Variants in RUNDC3B observed in about 807,000 individuals in gnomAD.
RUNDC3B encodes RUN domain-containing protein 3B.
A neutral mutation model predicts 58.4 loss-of-function variants in RUNDC3B; 33 were observed. That is an observed-to-expected ratio of 0.56 (90% CI 0.43 to 0.75). The LOEUF (loss-of-function observed/expected upper bound fraction) is 0.75, where lower values mean the gene tolerates loss of function less well. Ranked by LOEUF, RUNDC3B falls within the 30% of genes least tolerant of loss-of-function variation. RUNDC3B has a pLI of 0.00. For synonymous variants in RUNDC3B, 193 were observed against 195.2 expected, an observed-to-expected ratio of 0.99 and a Z score of 0.10; for missense variants, 501 against 535.7, an observed-to-expected ratio of 0.94 and a Z score of 0.64.
intron 10 of RUNDC3B, among the ~76,000 whole-genome samples, chr7:87,820,168 A>C (rs958284068): frequency 1.3e-5 from 2 of 152,208 alleles, no homozygotes; most frequent in African/African-American, 4.8e-5. Flanking sequence ...AAAAGAGAGA[A>C]GAATCAAATA....
intron 1 of RUNDC3B, among the ~76,000 whole-genome samples, chr7:87,639,539 G>A (rs1200935694): frequency 6.6e-6 from 1 of 152,002 alleles, no homozygotes; most frequent in Non-Finnish European, 1.5e-5. Context: ...TTTTAGTTTT[G>A]TGATTTTTAC....
chr7:87,752,165 G>A (rs895985635), intron 6 of RUNDC3B, among the ~76,000 whole-genome samples: 36 of 152,264 alleles, frequency 2.4e-4, no homozygotes, highest in South Asian at 2.1e-4. Flanking sequence ...CTGTTTATAT[G>A]CTGGATTACA....
Position 87,703,755 on chromosome 7 carries a change from T to C in RUNDC3B, c.372+3201T>C, listed in dbSNP as rs74670569. 7.9e-3 allele frequency among the ~76,000 whole-genome samples: 1,199 copies of C among 152,066 alleles called. 22 individuals carry two copies. Among genetic ancestry groups the C allele is most frequent in the African/African-American group, 0.027 (1,135 of 41,552 alleles). On this transcript the variant is annotated intron_variant, in intron 3 of 10. Coordinates refer to ENST00000394654, the MANE Select transcript of RUNDC3B (RefSeq NM_001134405.2). ...TCTTTTTTGTCCCAACTATTGTCCTTTGACCTCTGTTTCCTCAAACTACTG... is the reference window on the plus strand; with the variant it reads ...TCTTTTTTGTCCCAACTATTGTCCTCTGACCTCTGTTTCCTCAAACTACTG...
intron 6 of RUNDC3B, among the ~76,000 whole-genome samples, chr7:87,742,739 T>C (rs1832407677): frequency 1.3e-5 from 2 of 152,174 alleles, no homozygotes; most frequent in South Asian, 4.1e-4. Flanking sequence ...GATTATTAAA[T>C]CTAAAAACTA....
intron 4 of RUNDC3B, among the ~76,000 whole-genome samples, chr7:87,718,330 A>T (rs1389292961): frequency 6.6e-6 from 1 of 152,164 alleles, no homozygotes; most frequent in African/African-American, 2.4e-5. Context: ...GGTTTCTATT[A>T]GGGGATAGTC....
In RUNDC3B at chr7:87,831,440, T is replaced by G. The variant is rs949390646; in HGVS notation, c.*1410T>G. The G allele has an allele frequency of 6.6e-6, 1 of 151,940 alleles. No individual in the cohort carries two copies. The highest frequency in any genetic ancestry group is 2.4e-5 in the African/African-American group (1 of 41,442). The allele number at this position is 151,940 out of a possible 1,614,324, so 9.4% of individuals were successfully genotyped here. On this transcript the variant is annotated 3_prime_UTR_variant, in exon 11 of 11. Coordinates refer to ENST00000394654, the MANE Select transcript of RUNDC3B (RefSeq NM_001134405.2). The stretch of plus-strand genomic sequence containing the variant: ...ATAATAAGTAGTAACAAGGCAAGTC[T>G]TTTATGTAAGACAGTCAAACAGTGT...
At chr7:87,804,143 G>A (rs10266417) in intron 8 of RUNDC3B, among the ~76,000 whole-genome samples, 1 of 152,030 alleles carries the variant, frequency 6.6e-6, no homozygotes, top group Admixed American at 6.6e-5. Context: ...AGATCTTTTC[G>A]AATGAGGTAG....
chr7:87,702,411 T>C (rs1385641476), intron 3 of RUNDC3B, among the ~76,000 whole-genome samples: 2 of 151,974 alleles, frequency 1.3e-5, no homozygotes, highest in Admixed American at 1.3e-4. Flanking sequence ...CCTGAGTAGC[T>C]GGGACTACAG....
At chr7:87,770,956 A>T (rs1834243878) in intron 7 of RUNDC3B, among the ~76,000 whole-genome samples, 2 of 152,254 alleles carry the variant, frequency 1.3e-5, no homozygotes, top group Non-Finnish European at 2.9e-5. Context: ...ATGTTTTAAC[A>T]TAAAAACAAG....
At chr7:87,811,990 A>G (rs1233226306) in intron 9 of RUNDC3B, among the ~76,000 whole-genome samples, 1 of 152,184 alleles carries the variant, frequency 6.6e-6, no homozygotes, top group Non-Finnish European at 1.5e-5. Flanking sequence ...TTGTTTTTGG[A>G]TAATGCTCAT....
chr7:87,807,238 C>T (rs1219759619), intron 8 of RUNDC3B, 135 bp from the exon 9 acceptor site: 1 of 694,744 alleles, frequency 1.4e-6, no homozygotes, highest in Non-Finnish European at 2.4e-6. Flanking sequence ...ACCATCCTTG[C>T]TGTAGTTCTG....
intron 2 of RUNDC3B, among the ~76,000 whole-genome samples, chr7:87,683,656 T>C (rs1317536230): frequency 1.3e-5 from 2 of 152,142 alleles, no homozygotes; most frequent in African/African-American, 4.8e-5. Flanking sequence ...CCCAAAATTA[T>C]TACAATAGTA....
In RUNDC3B at chr7:87,628,635, T is replaced by A; in HGVS notation, c.-189T>A. On this transcript the variant is annotated 5_prime_UTR_variant, in exon 1 of 11. Coordinates refer to ENST00000394654, the MANE Select transcript of RUNDC3B (RefSeq NM_001134405.2). ...TGTGTGTGTGTGTGTGGAGCTCGGG[T>A]GCCAAGGGCGAGCCGTCAGTCCCCG... is the stretch of plus-strand genomic sequence containing the variant. The A allele has an allele frequency of 2.9e-6, 1 of 346,824 alleles. No individual in the cohort carries two copies. Among genetic ancestry groups the A allele is most frequent in the Non-Finnish European group, 5.0e-6 (1 of 198,230 alleles). The allele number at this position is 346,824 out of a possible 1,614,324, so 21.5% of individuals were successfully genotyped here. A position where few individuals can be genotyped will look rare whatever the true frequency, so the allele number is the denominator to read the frequency against.
At chr7:87,714,930 G>A (rs1001726716) in intron 4 of RUNDC3B, among the ~76,000 whole-genome samples, 12 of 151,934 alleles carry the variant, frequency 7.9e-5, no homozygotes, top group Admixed American at 3.3e-4. Context: ...CACGTCACGC[G>A]CTGTTGGCTC....
intron 6 of RUNDC3B, among the ~76,000 whole-genome samples, chr7:87,758,198 T>C (rs1833478233): frequency 6.6e-6 from 1 of 152,134 alleles, no homozygotes; most frequent in African/African-American, 2.4e-5. Context: ...GTTGCACACC[T>C]GTAGTCCCAG....
intron 2 of RUNDC3B, among the ~76,000 whole-genome samples, chr7:87,685,528 C>A (rs183916717): frequency 1.3e-5 from 2 of 152,210 alleles, no homozygotes; most frequent in East Asian, 3.9e-4. Context: ...TTTCCACACA[C>A]AACAACATGT....
At chr7:87,705,270 T>G (rs540810310) in intron 3 of RUNDC3B, among the ~76,000 whole-genome samples, 11 of 152,080 alleles carry the variant, frequency 7.2e-5, no homozygotes, top group African/African-American at 2.7e-4. Context: ...ACTTAAAATA[T>G]GAAAAATTAG....
At chr7:87,742,573 TAAATAGATA>T (rs1361498822) in intron 6 of RUNDC3B, among the ~76,000 whole-genome samples, 3 of 144,834 alleles carry the variant, frequency 2.1e-5, no homozygotes, top group African/African-American at 7.8e-5. Context: ...CCATCATAGA[TAAATAGATA>T]GATAGATAGA....
intron 10 of RUNDC3B, among the ~76,000 whole-genome samples, chr7:87,821,461 C>T (rs955407418): frequency 6.6e-6 from 1 of 152,186 alleles, no homozygotes; most frequent in African/African-American, 2.4e-5. Context: ...AATGGCCATA[C>T]TGCCCAAGGT....
Sources: gnomAD v4.1 joint callset for allele counts (sites outside exome capture counted in the v4.1 genomes callset) on GRCh38, gnomAD v4.1.1 for gene constraint, MANE v1.5 for transcripts, NCBI Gene and HGNC (gene_info 2026-07-23, HGNC 2026-07-21) for gene names.